The following NR5A2 variants were observed in gnomAD, a reference collection of about 807,000 sequenced individuals.
NR5A2 encodes the protein CYP7A promoter-binding factor.
In NR5A2, 26 loss-of-function variants were observed where a neutral mutation model predicts 62.7. The observed-to-expected ratio is 0.41, with a 90% CI of 0.30 to 0.58. The LOEUF is 0.58. Ranked by LOEUF, NR5A2 falls within the 20% of genes least tolerant of loss-of-function variation. NR5A2 has a pLI of 0.22. For missense variants in NR5A2, 541 were observed against 669.1 expected (o/e 0.81, Z 2.11); for synonymous variants, 246 against 241.7 (o/e 1.02, Z -0.16).
At chr1:200,134,570 G>C (rs577526212) in intron 7 of NR5A2, among the ~76,000 whole-genome samples, 1 of 152,072 alleles carries the variant, frequency 6.6e-6, no homozygotes, top group Non-Finnish European at 1.5e-5. Flanking sequence ...TGATGATCGC[G>C]CAACGAAATC....
At chr1:200,067,048 G>A (rs1663516397) in intron 5 of NR5A2, among the ~76,000 whole-genome samples, 2 of 152,188 alleles carry the variant, frequency 1.3e-5, no homozygotes, top group South Asian at 2.1e-4. Flanking sequence ...CTGAATTGCA[G>A]CTATGTGAAA....
chr1:200,108,857 T>C (rs559720196), intron 5 of NR5A2, among the ~76,000 whole-genome samples: 2 of 152,230 alleles, frequency 1.3e-5, no homozygotes, highest in Non-Finnish European at 2.9e-5. Flanking sequence ...GTGTATGCAA[T>C]GACATGCATA....
chr1:200,078,599 T>G (rs1664147540), intron 5 of NR5A2, among the ~76,000 whole-genome samples: 1 of 98,834 alleles, frequency 1.0e-5, no homozygotes, highest in Non-Finnish European at 2.2e-5. Context: ...CTATTAATTT[T>G]CTTCCAATAT....
rs562270344 is a variant in NR5A2, at chr1:200,039,522, G to A, written c.65-136G>A. On this transcript the variant is annotated intron_variant, in intron 1 of 7. Coordinates refer to ENST00000367362, the MANE Select transcript of NR5A2 (RefSeq NM_205860.3). This position sits in a 1 kb window ranked among gnomAD's most constrained non-coding sequence, Gnocchi z 5.1. Reference sequence around the variant, plus strand: ...GGCTCCGGAGCTGCGAGACCGGACAGGGCTCAGAGGTCCTGCCCGGCAGCC... The same window carrying A: ...GGCTCCGGAGCTGCGAGACCGGACAAGGCTCAGAGGTCCTGCCCGGCAGCC... The A allele has an allele frequency of 3.2e-6, 4 of 1,253,358 alleles. No individual in the cohort carries two copies. The African/African-American group carries it at 6.2e-5, about 19-fold the overall frequency. The allele number at this position is 1,253,358 out of a possible 1,614,324, so 77.6% of individuals were successfully genotyped here.
intron 1 of NR5A2, among the ~76,000 whole-genome samples, chr1:200,033,984 T>C (rs1359101192): frequency 2.0e-5 from 3 of 152,220 alleles, no homozygotes; most frequent in Non-Finnish European, 2.9e-5. Context: ...AGAAGTTTGG[T>C]TGGATCCATC....
At chr1:200,075,940 T>C (rs547767412) in intron 5 of NR5A2, among the ~76,000 whole-genome samples, 8 of 152,214 alleles carry the variant, frequency 5.3e-5, no homozygotes, top group African/African-American at 1.9e-4. Flanking sequence ...TATCATGTTT[T>C]GCTTAGAATT....
chr1:200,042,822 T>G (rs1388498814), intron 2 of NR5A2: 3 of 985,412 alleles, frequency 3.0e-6, no homozygotes, highest in Non-Finnish European at 3.6e-6. Context: ...GCCCTTCCTG[T>G]GCATAGTTTG....
At chr1:200,133,528 C>CACACATATAT (rs1344633805) in intron 7 of NR5A2, among the ~76,000 whole-genome samples, 30 of 106,140 alleles carry the variant, frequency 2.8e-4, no homozygotes, top group South Asian at 2.3e-3. Flanking sequence ...TATATATATA[C>CACACATATAT]ACACACATAT....
chr1:200,052,793 C>T (rs1321976015), intron 5 of NR5A2, among the ~76,000 whole-genome samples: 3 of 150,494 alleles, frequency 2.0e-5, no homozygotes, highest in Admixed American at 6.6e-5. Flanking sequence ...AGGTGCCTGC[C>T]ACCACGCCGG....
chr1:200,138,982 G>T (rs1311632875), intron 7 of NR5A2, among the ~76,000 whole-genome samples: 1 of 152,104 alleles, frequency 6.6e-6, no homozygotes, highest in Non-Finnish European at 1.5e-5. Context: ...TGTATTTAGA[G>T]ATTAATTTGG....
intron 1 of NR5A2, chr1:200,029,572 G>C (rs1323588282): frequency 1.3e-5 from 2 of 152,494 alleles, no homozygotes; most frequent in Non-Finnish European, 2.9e-5. Flanking sequence ...GAGGACTGTC[G>C]GTCCAGCCCA....
In NR5A2 at chr1:200,030,059, C is replaced by G. The variant is rs371236736; in HGVS notation, c.64+2148C>G. Among the ~76,000 whole-genome samples, 9 of 152,218 alleles carry G rather than the reference C, an allele frequency of 5.9e-5. 2 individuals are homozygous for G. Among genetic ancestry groups the G allele is most frequent in the African/African-American group, 2.2e-4 (9 of 41,532 alleles). On this transcript the variant is annotated intron_variant, in intron 1 of 7. Coordinates refer to ENST00000367362, the MANE Select transcript of NR5A2 (RefSeq NM_205860.3). ...ACCCGATTCCTGAGGGAGAGATGCC[C>G]CTTGAATGGGTCTTTCTGATTGCCC...
intron 6 of NR5A2, among the ~76,000 whole-genome samples, chr1:200,114,814 T>A (rs796805911): frequency 2.6e-5 from 4 of 152,318 alleles, no homozygotes; most frequent in African/African-American, 9.6e-5. Flanking sequence ...ATCTAGTAAG[T>A]GGCAGAACAG....
chr1:200,165,988 C>T (rs553507318), intron 7 of NR5A2, among the ~76,000 whole-genome samples: 1 of 152,320 alleles, frequency 6.6e-6, no homozygotes, highest in African/African-American at 2.4e-5. Flanking sequence ...TGCCAACCAC[C>T]ATTCTATTTT....
At chr1:200,063,214 CAG>C (rs1455781831) in intron 5 of NR5A2, among the ~76,000 whole-genome samples, 2 of 152,044 alleles carry the variant, frequency 1.3e-5, no homozygotes, top group Non-Finnish European at 2.9e-5. Context: ...TTAGTGGAGA[CAG>C]TGTTTCACCA....
chr1:200,049,154 G>T (rs754392898), intron 5 of NR5A2, among the ~76,000 whole-genome samples: 1 of 152,022 alleles, frequency 6.6e-6, no homozygotes, highest in African/African-American at 2.4e-5. Flanking sequence ...GTGAAATAGC[G>T]CCTAGTAAAC....
At chr1:200,032,625 A>T (rs985360823) in intron 1 of NR5A2, among the ~76,000 whole-genome samples, 1 of 152,168 alleles carries the variant, frequency 6.6e-6, no homozygotes, top group Non-Finnish European at 1.5e-5. Flanking sequence ...TTACAGAATG[A>T]TGAGTTTGAG....
At chr1:200,036,094 G>C (rs1026030948) in intron 1 of NR5A2, among the ~76,000 whole-genome samples, 1 of 152,118 alleles carries the variant, frequency 6.6e-6, no homozygotes, top group Non-Finnish European at 1.5e-5. Flanking sequence ...GTCCACCCGC[G>C]GTAGGTGTAT....
intron 7 of NR5A2, among the ~76,000 whole-genome samples, chr1:200,140,552 AAGC>A (rs1356400238): frequency 3.9e-5 from 6 of 152,300 alleles, no homozygotes; most frequent in African/African-American, 1.4e-4. Context: ...GTTTTCCTGT[AAGC>A]AGCAGATGTC....
Sources: allele counts gnomAD v4.1 joint callset (sites outside exome capture counted in the v4.1 genomes callset), GRCh38; gene constraint gnomAD v4.1.1; non-coding constraint Gnocchi (gnomAD v3.1); transcripts MANE v1.5; gene names NCBI Gene and HGNC (gene_info 2026-07-23, HGNC 2026-07-21).